Variants in AGTPBP1 observed in about 807,000 individuals in gnomAD.
AGTPBP1 encodes cytosolic carboxypeptidase 1.
AGTPBP1 carries 70 observed loss-of-function variants against 143.9 expected under a neutral mutation model. The ratio of observed to expected loss-of-function variants is 0.49; its 90% confidence interval spans 0.40 to 0.59. AGTPBP1 has a LOEUF of 0.59. Ranked by LOEUF, AGTPBP1 falls within the 20% of genes least tolerant of loss-of-function variation. The pLI is 0.00. For missense variants in AGTPBP1, 1,229 were observed against 1,464.5 expected, an observed-to-expected ratio of 0.84 and a Z score of 2.62; for synonymous variants, 463 against 500.2, an observed-to-expected ratio of 0.93 and a Z score of 0.99.
chr9:85,564,936 G>C (rs1826984386), intron 25 of AGTPBP1, among the ~76,000 whole-genome samples: 1 of 152,216 alleles, frequency 6.6e-6, no homozygotes, highest in Non-Finnish European at 1.5e-5. Flanking sequence ...GATGGGAACA[G>C]GGATGAAGGG....
intron 24 of AGTPBP1, among the ~76,000 whole-genome samples, chr9:85,578,059 T>C (rs1203855431): frequency 6.6e-6 from 1 of 152,162 alleles, no homozygotes; most frequent in East Asian, 1.9e-4. Flanking sequence ...GCACGACACC[T>C]GAAAATTTTT....
chr9:85,568,867 C>T (rs1412808043), intron 25 of AGTPBP1, among the ~76,000 whole-genome samples: 4 of 152,084 alleles, frequency 2.6e-5, no homozygotes, highest in African/African-American at 9.7e-5. Context: ...AACAGGTTTG[C>T]TATGGGAGCA....
intron 1 of AGTPBP1, among the ~76,000 whole-genome samples, chr9:85,720,058 T>A (rs1837998335): frequency 6.6e-6 from 1 of 152,224 alleles, no homozygotes; most frequent in African/African-American, 2.4e-5. Flanking sequence ...CTGGATTCAG[T>A]TTGCCAGTAT....
At chr9:85,622,027 C>T (rs1237057383) in intron 14 of AGTPBP1, among the ~76,000 whole-genome samples, 1 of 152,052 alleles carries the variant, frequency 6.6e-6, no homozygotes, top group Non-Finnish European at 1.5e-5. Flanking sequence ...AAAATATAGC[C>T]AAAACAGAAC....
upstream of AGTPBP1, among the ~76,000 whole-genome samples, chr9:85,745,407 C>T (rs1824568951): frequency 6.6e-6 from 1 of 152,186 alleles, no homozygotes; most frequent in East Asian, 1.9e-4. Flanking sequence ...TATTGAGCAC[C>T]TCTTATGTAC....
the AGTPBP1 span, among the ~76,000 whole-genome samples, chr9:85,772,487 C>T: frequency 2.6e-5 from 4 of 152,168 alleles, no homozygotes; most frequent in Non-Finnish European, 4.4e-5. Flanking sequence ...GTGGCTCACG[C>T]CTATAATCCC....
At chr9:85,724,949 C>A (rs1457918755) in intron 1 of AGTPBP1, among the ~76,000 whole-genome samples, 2 of 152,158 alleles carry the variant, frequency 1.3e-5, no homozygotes, top group African/African-American at 4.8e-5. Flanking sequence ...AGTAATATGG[C>A]AGATACGGTA....
chr9:85,804,463 C>G, the AGTPBP1 span, among the ~76,000 whole-genome samples: 1 of 152,170 alleles, frequency 6.6e-6, no homozygotes, highest in African/African-American at 2.4e-5. Context: ...CCACTTTTCA[C>G]GTGGCACCTA....
intron 25 of AGTPBP1, among the ~76,000 whole-genome samples, chr9:85,563,990 G>A (rs548167690): frequency 6.6e-6 from 1 of 152,228 alleles, no homozygotes; most frequent in Admixed American, 6.5e-5. Flanking sequence ...GAATTCACCA[G>A]CCTGGGAAGC....
chr9:85,634,136 G>A (rs1831870888), intron 13 of AGTPBP1, among the ~76,000 whole-genome samples: 1 of 146,014 alleles, frequency 6.8e-6, no homozygotes, highest in Non-Finnish European at 1.5e-5. Context: ...GGAGGTTGCA[G>A]TGAACCGAGA....
At position 85,621,304 on chromosome 9, in the gene AGTPBP1, A is replaced by C; in HGVS notation, c.2016-19T>G. ...TTTTGTCCTGAAATCATAAAGGTTT[A>C]ACCAAAATATATTATTATACACTAA... On this transcript the variant is annotated intron_variant, in intron 14 of 25. Coordinates refer to ENST00000357081, the MANE Select transcript of AGTPBP1 (RefSeq NM_001330701.2). The C allele has an allele frequency of 7.8e-7, 1 of 1,281,966 alleles. No individual in the cohort carries two copies. Among genetic ancestry groups the C allele is most frequent in the African/African-American group, 1.5e-5 (1 of 64,680 alleles). 79.4% of individuals were successfully genotyped at this position (1,281,966 alleles called of 1,614,324 possible).
intron 11 of AGTPBP1, among the ~76,000 whole-genome samples, chr9:85,651,835 C>T (rs917454488): frequency 1.3e-5 from 2 of 152,182 alleles, no homozygotes; most frequent in Admixed American, 1.3e-4. Flanking sequence ...ATTCAACAAA[C>T]ATTAAATGCA....
At chr9:85,668,300 A>T (rs1834254752) in intron 8 of AGTPBP1, among the ~76,000 whole-genome samples, 1 of 151,980 alleles carries the variant, frequency 6.6e-6, no homozygotes, top group South Asian at 2.1e-4. Flanking sequence ...CTATTTTGAG[A>T]CAACTGGAGA....
chr9:85,618,196 G>A (rs1333318179), intron 17 of AGTPBP1, among the ~76,000 whole-genome samples: 2 of 148,446 alleles, frequency 1.3e-5, no homozygotes, highest in African/African-American at 2.5e-5. Flanking sequence ...TCACACCACT[G>A]CATTCCAACT....
chr9:85,751,454 A>G, the AGTPBP1 span, among the ~76,000 whole-genome samples: 2 of 152,214 alleles, frequency 1.3e-5, no homozygotes, highest in Non-Finnish European at 2.9e-5. Flanking sequence ...CTATAAAAGT[A>G]TCTCAGCACT....
intron 17 of AGTPBP1, among the ~76,000 whole-genome samples, chr9:85,604,432 A>C (rs1264431496): frequency 6.6e-6 from 1 of 152,214 alleles, no homozygotes; most frequent in African/African-American, 2.4e-5. Context: ...CCTAATGCAG[A>C]TATGGCTGCA....
chr9:85,764,558 C>G, the AGTPBP1 span: 4 of 509,828 alleles, frequency 7.8e-6, no homozygotes, highest in South Asian at 1.0e-4. Flanking sequence ...ATGAATACCC[C>G]CTCCCTCAAA....
At chr9:85,741,709 T>C in intron 1 of AGTPBP1, 66 bp downstream of exon 1, 3 of 1,267,208 alleles carry the variant, frequency 2.4e-6, no homozygotes, top group Non-Finnish European at 3.0e-6. Flanking sequence ...CGCTCGCATC[T>C]CCCGCGGCCC....
In AGTPBP1 at chr9:85,588,216, C is replaced by T. The variant is rs1024939942; in HGVS notation, c.2903+82G>A. The T allele has an allele frequency of 7.5e-6, 9 of 1,199,004 alleles. No homozygotes were observed. In the East Asian group the frequency reaches 2.0e-4, roughly 26 times the overall value. 74.3% of individuals were successfully genotyped at this position (1,199,004 alleles called of 1,614,324 possible). ...CTAGAAAAATCACTAAGTTTGTTAA[C>T]CTGGACATTGTTATTTCAACAAGTT... On this transcript the variant is annotated intron_variant, in intron 21 of 25. Coordinates refer to ENST00000357081, the MANE Select transcript of AGTPBP1 (RefSeq NM_001330701.2).
Sources: gnomAD v4.1 joint callset for allele counts (sites outside exome capture counted in the v4.1 genomes callset) on GRCh38, gnomAD v4.1.1 for gene constraint, MANE v1.5 for transcripts, NCBI Gene and HGNC (gene_info 2026-07-23, HGNC 2026-07-21) for gene names.